LDLRAD4: variants seen among roughly 807,000 people sequenced by gnomAD.
The protein encoded by LDLRAD4 is low density lipoprotein receptor class A domain containing 4.
A neutral mutation model predicts 17.0 loss-of-function variants in LDLRAD4; 5 were observed. The ratio of observed to expected loss-of-function variants is 0.29; its 90% CI spans 0.15 to 0.62. LDLRAD4 has a LOEUF of 0.62. Ranked by LOEUF, LDLRAD4 falls within the 20% of genes least tolerant of loss-of-function variation. The probability of loss-of-function intolerance (pLI) is 0.84; values close to 1 mark genes in which losing one functional copy is unlikely to be tolerated. For synonymous variants in LDLRAD4, 168 were observed against 171.8 expected, an observed-to-expected ratio of 0.98 and a Z score of 0.17; for missense variants, 340 against 424.7, an observed-to-expected ratio of 0.80 and a Z score of 1.75.
chr18:13,502,830 C>T (rs905047507), intron 3 of LDLRAD4, among the ~76,000 whole-genome samples: 3 of 152,272 alleles, frequency 2.0e-5, no homozygotes, highest in African/African-American at 7.2e-5. Flanking sequence ...TGGTGGGGAA[C>T]TTCACCCGTC....
intron 2 of LDLRAD4, among the ~76,000 whole-genome samples, chr18:13,437,083 C>T (rs978235058): frequency 3.3e-5 from 5 of 152,240 alleles, no homozygotes; most frequent in South Asian, 2.1e-4. Context: ...TGGTTAGCAT[C>T]GCTGGAAGAG....
intron 1 of LDLRAD4, among the ~76,000 whole-genome samples, chr18:13,302,956 G>A (rs1336859141): frequency 6.6e-6 from 1 of 152,256 alleles, no homozygotes; most frequent in Admixed American, 6.5e-5. Flanking sequence ...ACTGTAAAAT[G>A]AGAACTTGGC....
chr18:13,292,983 G>C (rs1312814193), intron 1 of LDLRAD4, among the ~76,000 whole-genome samples: 12 of 152,240 alleles, frequency 7.9e-5, no homozygotes. Flanking sequence ...ATGCCCTGGA[G>C]GCAGGCGAGC....
intron 1 of LDLRAD4, among the ~76,000 whole-genome samples, chr18:13,347,764 T>C (rs1048805231): frequency 1.3e-5 from 2 of 152,188 alleles, no homozygotes; most frequent in East Asian, 1.9e-4. Flanking sequence ...GGAGGCTTTG[T>C]TCATTTCTTT....
At chr18:13,619,282 T>C (rs895464356) in intron 3 of LDLRAD4, among the ~76,000 whole-genome samples, 10 of 152,044 alleles carry the variant, frequency 6.6e-5, no homozygotes, top group Non-Finnish European at 8.8e-5. Flanking sequence ...AGGAAGGTTA[T>C]GTGCAGGGGC....
At chr18:13,364,193 G>C (rs1207286334) in intron 1 of LDLRAD4, among the ~76,000 whole-genome samples, 2 of 152,164 alleles carry the variant, frequency 1.3e-5, no homozygotes, top group African/African-American at 4.8e-5. Context: ...GACATGCCAA[G>C]CTACTAACAT....
chr18:13,508,694 A>G (rs1328919910), intron 3 of LDLRAD4, among the ~76,000 whole-genome samples: 3 of 152,212 alleles, frequency 2.0e-5, no homozygotes, highest in Non-Finnish European at 2.9e-5. Context: ...TGCTCAGGAA[A>G]AAAAAAGATT....
chr18:13,577,757 C>A (rs972454993), intron 3 of LDLRAD4, among the ~76,000 whole-genome samples: 1 of 152,082 alleles, frequency 6.6e-6, no homozygotes, highest in Non-Finnish European at 1.5e-5. Context: ...TAGGCAAATT[C>A]TAATGTAGTT....
chr18:13,500,789 CG>C (rs1568263458), intron 3 of LDLRAD4: 1 of 151,940 alleles, frequency 6.6e-6, no homozygotes, highest in Non-Finnish European at 1.5e-5. Flanking sequence ...ACCACAGAGA[CG>C]AGATCATCGA....
chr18:13,505,052 A>C (rs1205734954), intron 3 of LDLRAD4, among the ~76,000 whole-genome samples: 1 of 152,196 alleles, frequency 6.6e-6, no homozygotes, highest in African/African-American at 2.4e-5. Context: ...CCCACACCAG[A>C]CGATGTGCCA....
intron 1 of LDLRAD4, among the ~76,000 whole-genome samples, chr18:13,363,345 A>C (rs2144686269): frequency 6.6e-6 from 1 of 151,852 alleles, no homozygotes; most frequent in African/African-American, 2.4e-5. Context: ...AAAAAAAAAA[A>C]AAAAAAAAAA....
intron 1 of LDLRAD4, among the ~76,000 whole-genome samples, chr18:13,339,692 G>A (rs945806358): frequency 4.6e-5 from 7 of 152,212 alleles, no homozygotes; most frequent in African/African-American, 1.7e-4. Flanking sequence ...TTTGAAAAGA[G>A]AGAATAATTT....
At chr18:13,603,483 C>T (rs948544041) in intron 3 of LDLRAD4, among the ~76,000 whole-genome samples, 1 of 152,222 alleles carries the variant, frequency 6.6e-6, no homozygotes, top group African/African-American at 2.4e-5. Context: ...CTGGCATTGC[C>T]AGTTACTGCT....
intron 3 of LDLRAD4, among the ~76,000 whole-genome samples, chr18:13,586,754 G>A (rs2148498198): frequency 6.6e-6 from 1 of 152,058 alleles, no homozygotes; most frequent in African/African-American, 2.4e-5. Context: ...CAGGCATGGT[G>A]GCGCACACCT....
At chr18:13,552,622 G>A (rs1445607732) in intron 3 of LDLRAD4, among the ~76,000 whole-genome samples, 2 of 152,298 alleles carry the variant, frequency 1.3e-5, no homozygotes, top group African/African-American at 2.4e-5. Flanking sequence ...ACTTCCTAAC[G>A]ACGGGGAGAG....
chr18:13,425,490 C>G (rs575296176), intron 2 of LDLRAD4, among the ~76,000 whole-genome samples: 76 of 152,302 alleles, frequency 5.0e-4, no homozygotes, highest in Non-Finnish European at 8.8e-4. Context: ...AATTAAAGCT[C>G]AGCTGTCAGC....
At chr18:13,599,486 A>ATTTTT (rs35131642) in intron 3 of LDLRAD4, among the ~76,000 whole-genome samples, 1 of 81,756 alleles carries the variant, frequency 1.2e-5, no homozygotes. Context: ...TGAGTCTCCA[A>ATTTTT]TTTTTTTTTT....
At chr18:13,628,950 C>T (rs2041414576) in intron 4 of LDLRAD4, among the ~76,000 whole-genome samples, 1 of 152,206 alleles carries the variant, frequency 6.6e-6, no homozygotes, top group Non-Finnish European at 1.5e-5. Flanking sequence ...CCTGCCTCAG[C>T]CTCCTGCGTA....
intron 3 of LDLRAD4, among the ~76,000 whole-genome samples, chr18:13,518,026 G>A (rs1204272901): frequency 5.9e-5 from 9 of 152,196 alleles, no homozygotes; most frequent in Admixed American, 1.3e-4. Flanking sequence ...GAGCCACCGC[G>A]CCCGGCCATG....
Sources: allele counts gnomAD v4.1 joint callset (sites outside exome capture counted in the v4.1 genomes callset), GRCh38; gene constraint gnomAD v4.1.1; transcripts MANE v1.5; gene names NCBI Gene and HGNC (gene_info 2026-07-23, HGNC 2026-07-21).